Variants in RABEP1 observed in about 807,000 individuals in gnomAD.
RABEP1 encodes rab GTPase-binding effector protein 1.
RABEP1 carries 51 observed loss-of-function variants against 123.4 expected under a neutral mutation model. The observed-to-expected ratio is 0.41, with a 90% CI of 0.33 to 0.52. RABEP1 has a LOEUF of 0.52. Among genes scored for constraint, RABEP1 ranks in the 20% least tolerant of loss-of-function variants. The pLI, the probability that RABEP1 is intolerant of heterozygous loss-of-function variation, is 0.16. For missense variants in RABEP1, 888 were observed against 996.3 expected (o/e 0.89, Z 1.46); for synonymous variants, 347 against 355.2 (o/e 0.98, Z 0.26).
At chr17:5,322,730 A>G (rs972040325) in intron 2 of RABEP1, among the ~76,000 whole-genome samples, 15 of 152,372 alleles carry the variant, frequency 9.8e-5, no homozygotes, top group African/African-American at 3.1e-4. Flanking sequence ...ATGGTTCGAT[A>G]TACACAAATA....
intron 1 of RABEP1, among the ~76,000 whole-genome samples, chr17:5,287,953 A>G (rs2074995891): frequency 6.6e-6 from 1 of 152,096 alleles, no homozygotes; most frequent in Admixed American, 6.6e-5. Flanking sequence ...CAGTGGAGTA[A>G]TAGGGAGGTA....
At position 5,361,909 on chromosome 17, in the gene RABEP1, C is replaced by T. The variant is rs1392764490; in HGVS notation, c.1563+234C>T. On this transcript the variant is annotated intron_variant, in intron 9 of 17. Coordinates refer to ENST00000537505, the MANE Select transcript of RABEP1 (RefSeq NM_004703.6). ...TAATCACAGTGAATGTGAACCTCCC[C>T]ACCTGAACTCACAGCTCTCAGGTTG... The T allele has an allele frequency of 8.4e-6, 4 of 474,898 alleles. No individual in the cohort carries two copies. In the Admixed American group the frequency reaches 1.2e-4, roughly 14 times the overall value. The allele number at this position is 474,898 out of a possible 1,614,324, so 29.4% of individuals were successfully genotyped here.
chr17:5,345,621 GAGAAA>G, intron 5 of RABEP1, among the ~76,000 whole-genome samples: 1 of 152,178 alleles, frequency 6.6e-6, no homozygotes, highest in East Asian at 1.9e-4. Context: ...TCAGGTGTTA[GAGAAA>G]GTATTTCATG....
intron 1 of RABEP1, among the ~76,000 whole-genome samples, chr17:5,295,621 T>C (rs1451824537): frequency 1.3e-5 from 2 of 152,198 alleles, no homozygotes; most frequent in African/African-American, 4.8e-5. Context: ...TTTGATACTT[T>C]TGATACATTT....
Position 5,289,436 on chromosome 17 carries a change from A to T in RABEP1, c.34+6916A>T, listed in dbSNP as rs188708189. On this transcript the variant is annotated intron_variant, in intron 1 of 17. Transcript: ENST00000537505. ...GATCTGACCTTTTTTTTTTTTTTTTAAATTTATGGTTTCTGGGTTTCTTAT... is the reference window on the plus strand; with the variant it reads ...GATCTGACCTTTTTTTTTTTTTTTTTAATTTATGGTTTCTGGGTTTCTTAT... Among the ~76,000 whole-genome samples the T allele has an allele frequency of 0.013, 1,798 of 140,034 alleles. 61 individuals carry two copies. In the East Asian group the frequency reaches 0.15, roughly 11 times the overall value. The allele number at this position is 140,034 out of a possible 152,430, so 91.9% of individuals were successfully genotyped here. A position where few individuals can be genotyped will look rare whatever the true frequency, so the allele number is the denominator to read the frequency against.
rs1911954353 is a variant in RABEP1 at position 5,386,214 on chromosome 17, T to C, written c.*2991T>C. 3 of 1,613,334 alleles carry C rather than the reference T, an allele frequency of 1.9e-6. No homozygotes were observed. The East Asian group carries it at 6.7e-5, about 36-fold the overall frequency. On this transcript the variant is annotated 3_prime_UTR_variant, in exon 18 of 18. Transcript: ENST00000537505. ...GTCAGCTCCTGGTGGTGTCAGAAGT[T>C]TACATGATTGCGGATATCATTGATT... is the stretch of plus-strand genomic sequence containing the variant.
At chr17:5,297,041 TGTTA>T (rs1230736886) in intron 1 of RABEP1, among the ~76,000 whole-genome samples, 1 of 152,326 alleles carries the variant, frequency 6.6e-6, no homozygotes, top group African/African-American at 2.4e-5. Context: ...CCCAGCTTTT[TGTTA>T]GTTTTCTATT....
At chr17:5,294,998 AC>A (rs2075069130) in intron 1 of RABEP1, among the ~76,000 whole-genome samples, 1 of 151,982 alleles carries the variant, frequency 6.6e-6, no homozygotes, top group Non-Finnish European at 1.5e-5. Flanking sequence ...TTAAAAAAAA[AC>A]GTAAAAATTT....
intron 1 of RABEP1, among the ~76,000 whole-genome samples, chr17:5,293,640 C>T (rs1046164810): frequency 6.6e-5 from 10 of 152,146 alleles, no homozygotes; most frequent in African/African-American, 2.2e-4. Context: ...CTCCTGGGCT[C>T]AAGGGATCCA....
intron 2 of RABEP1, among the ~76,000 whole-genome samples, chr17:5,313,641 G>A (rs565084523): frequency 1.3e-5 from 2 of 152,152 alleles, no homozygotes; most frequent in Non-Finnish European, 2.9e-5. Flanking sequence ...AAACATGCTT[G>A]GTTTGTTAAG....
chr17:5,337,704 T>A (rs1037287067), intron 4 of RABEP1, among the ~76,000 whole-genome samples: 1 of 151,780 alleles, frequency 6.6e-6, no homozygotes, highest in South Asian at 2.1e-4. Context: ...AAAAAAAAAA[T>A]TTATTTATTA....
rs71151864 is a variant in RABEP1 at position 5,314,234 on chromosome 17, C to CTTTTTTTT, written c.163+5431_163+5438dup. Among the ~76,000 whole-genome samples, 238 of 55,578 alleles carry CTTTTTTTT rather than the reference C, an allele frequency of 4.3e-3. 45 individuals carry two copies. Among genetic ancestry groups the CTTTTTTTT allele is most frequent in the Non-Finnish European group, 4.7e-3 (147 of 31,358 alleles). 36.5% of individuals were successfully genotyped at this position (55,578 alleles called of 152,430 possible). On this transcript the variant is annotated intron_variant, in intron 2 of 17. Transcript: ENST00000537505. ...GCCTGTTCTTTTCTTAGTACCTATTCTTTTTTTTTTTTTTTTTTTTTTTTT... is the reference window on the plus strand; with the variant it reads ...GCCTGTTCTTTTCTTAGTACCTATTCTTTTTTTTTTTTTTTTTTTTTTTTTTTTTTTTT...
chr17:5,379,237 C>G (rs1271090943), intron 15 of RABEP1, among the ~76,000 whole-genome samples: 1 of 152,198 alleles, frequency 6.6e-6, no homozygotes, highest in Non-Finnish European at 1.5e-5. Flanking sequence ...ACAGGTTTTC[C>G]TTTTATTCCC....
chr17:5,329,527 G>A (rs903249618), intron 2 of RABEP1, among the ~76,000 whole-genome samples: 7 of 152,046 alleles, frequency 4.6e-5, no homozygotes, highest in African/African-American at 9.7e-5. Flanking sequence ...GCGAGACTCC[G>A]TCTCAAAAAA....
intron 1 of RABEP1, among the ~76,000 whole-genome samples, chr17:5,297,642 T>C (rs895584592): frequency 3.9e-5 from 6 of 152,240 alleles, no homozygotes; most frequent in African/African-American, 1.4e-4. Flanking sequence ...GAAAATTTAA[T>C]GAGCCAGTGT....
rs1447498250 is a variant in RABEP1 at position 5,386,257 on chromosome 17, T to C, written c.*3034T>C. ...CATTGATTTGCTTCACCATTTCCCTTATATGTTCACCCCTGTAAAATTGTA... is the reference window on the plus strand; with the variant it reads ...CATTGATTTGCTTCACCATTTCCCTCATATGTTCACCCCTGTAAAATTGTA... On this transcript the variant is annotated 3_prime_UTR_variant, in exon 18 of 18. Coordinates refer to ENST00000537505, the MANE Select transcript of RABEP1 (RefSeq NM_004703.6). 1.2e-6 allele frequency: 2 copies of C among 1,612,262 alleles called. No homozygotes were observed. Among genetic ancestry groups the C allele is most frequent in the Non-Finnish European group, 1.7e-6 (2 of 1,179,172 alleles).
chr17:5,346,485 A>G (rs1163163522), intron 5 of RABEP1, among the ~76,000 whole-genome samples: 3 of 152,234 alleles, frequency 2.0e-5, no homozygotes, highest in Non-Finnish European at 1.5e-5. Flanking sequence ...AAACAGATAC[A>G]TGCATATGTT....
intron 11 of RABEP1, among the ~76,000 whole-genome samples, chr17:5,366,687 C>T (rs949610240): frequency 1.3e-5 from 2 of 151,822 alleles, no homozygotes; most frequent in Admixed American, 1.3e-4. Context: ...CTCAGGTGAT[C>T]CACTTGCCTC....
rs763897780 is a variant in RABEP1 at position 5,379,612 on chromosome 17, G to A, written c.2272-752G>A. Among the ~76,000 whole-genome samples, 120 of 152,180 alleles carry A rather than the reference G, an allele frequency of 7.9e-4. 1 individual carries two copies. Among genetic ancestry groups the A allele is most frequent in the Non-Finnish European group, 9.7e-4 (66 of 68,014 alleles). ...TATTGCACCAGCAGAAATTACCAGC[G>A]CTCGAAATAACATCTCATCCTTTCC... On this transcript the variant is annotated intron_variant, in intron 15 of 17. Transcript: ENST00000537505.
Sources: allele counts gnomAD v4.1 joint callset (sites outside exome capture counted in the v4.1 genomes callset), GRCh38; gene constraint gnomAD v4.1.1; transcripts MANE v1.5; gene names NCBI Gene and HGNC (gene_info 2026-07-23, HGNC 2026-07-21).